PAX2: variants seen among roughly 807,000 people sequenced by gnomAD.
PAX2 encodes paired box 2.
PAX2 carries 9 observed loss-of-function variants against 41.7 expected under a neutral mutation model. That is an observed-to-expected ratio of 0.22 (90% CI 0.13 to 0.38). The LOEUF is 0.38. Ranked by LOEUF, PAX2 falls within the 10% of genes least tolerant of loss-of-function variation. The probability of loss-of-function intolerance (pLI) is 1.00; values close to 1 mark genes in which losing one functional copy is unlikely to be tolerated. For synonymous variants in PAX2, 221 were observed against 212.7 expected, an observed-to-expected ratio of 1.04 and a Z score of -0.34; for missense variants, 418 against 531.6, an observed-to-expected ratio of 0.79 and a Z score of 2.10.
chr10:100,773,666 A>G (rs117548648), intron 3 of PAX2, among the ~76,000 whole-genome samples: 1,751 of 152,234 alleles, frequency 0.012, 15 homozygotes, highest in Non-Finnish European at 0.02. Context: ...TTGCGTGGCG[A>G]TCAATGAGAG....
At chr10:100,816,165 A>G (rs1848179161) in intron 7 of PAX2, among the ~76,000 whole-genome samples, 1 of 152,354 alleles carries the variant, frequency 6.6e-6, no homozygotes, top group Non-Finnish European at 1.5e-5. Flanking sequence ...GAAAGGGGCC[A>G]GTCTGAATTT....
rs759953406 is a variant in PAX2 at position 100,750,844 on chromosome 10, G to C, written c.363G>C (p.Glu121Asp). Reference protein sequence around the residue: ...AWEIRDRLLAEGICDNDTVPS... With the variant: ...AWEIRDRLLADGICDNDTVPS... Reference sequence around the variant, plus strand: ...AGATTCGAGACCGGCTCCTGGCCGAGGGCATCTGTGACAATGACACAGTGC... The same window carrying C: ...AGATTCGAGACCGGCTCCTGGCCGACGGCATCTGTGACAATGACACAGTGC... The change falls in exon 3 of 10, where the codon GAG (glutamate) becomes GAC (aspartate). Residue 121 changes from glutamate (E) to aspartate (D), a missense_variant. Glu to Asp is a conservative substitution (Grantham distance 45). Around this residue, in one of 2 missense-constraint regions of PAX2, gnomAD observed 108 missense variants for 206.3 expected, o/e 0.52. Coordinates refer to ENST00000355243, the MANE Select transcript of PAX2 (RefSeq NM_000278.5). The surrounding 1 kb of genome is among the most constrained non-coding windows in gnomAD (Gnocchi z 4.1). 2.5e-6 allele frequency: 4 copies of C among 1,614,032 alleles called. No individual in the cohort carries two copies. In the East Asian group the frequency reaches 8.9e-5, roughly 36 times the overall value.
At chr10:100,754,029 C>T (rs1048911858) in intron 3 of PAX2, among the ~76,000 whole-genome samples, 13 of 152,240 alleles carry the variant, frequency 8.5e-5, no homozygotes, top group African/African-American at 3.1e-4. Flanking sequence ...GAGTTGCCAG[C>T]TTTTTGGTTT....
At chr10:100,754,046 CGCT>C (rs1162990713) in intron 3 of PAX2, among the ~76,000 whole-genome samples, 1 of 152,104 alleles carries the variant, frequency 6.6e-6, no homozygotes, top group African/African-American at 2.4e-5. Flanking sequence ...GTTTGTACAC[CGCT>C]GCTGTAAAGG....
rs567871562 is a variant in PAX2, at chr10:100,807,023, G to A, written c.792+418G>A. The stretch of plus-strand genomic sequence containing the variant: ...CCTCAGGGTCCTACAGAAAGTCTAC[G>A]CTAGACTGGGGAGCTCTCCTTGCCC... On this transcript the variant is annotated intron_variant, in intron 6 of 9. Coordinates refer to ENST00000355243, the MANE Select transcript of PAX2 (RefSeq NM_000278.5). Among the ~76,000 whole-genome samples the A allele has an allele frequency of 1.3e-3, 197 of 152,090 alleles. 1 individual carries two copies. Among genetic ancestry groups the A allele is most frequent in the African/African-American group, 4.6e-3 (191 of 41,458 alleles).
Position 100,745,744 on chromosome 10 carries a change from G to A in PAX2, c.-517G>A, listed in dbSNP as rs910614468. Reference sequence around the variant, plus strand: ...TGGCCCGCGCGCTCCCCTCCCGCAGGCGCCACCTCGGACATCCCCGGGATT... The same window carrying A: ...TGGCCCGCGCGCTCCCCTCCCGCAGACGCCACCTCGGACATCCCCGGGATT... On this transcript the variant is annotated 5_prime_UTR_variant, in exon 1 of 10. Coordinates refer to ENST00000355243, the MANE Select transcript of PAX2 (RefSeq NM_000278.5). The A allele has an allele frequency of 1.9e-6, 2 of 1,036,742 alleles. No individual in the cohort carries two copies. The highest frequency in any genetic ancestry group is 1.7e-5 in the African/African-American group (1 of 59,062). 64.2% of individuals were successfully genotyped at this position (1,036,742 alleles called of 1,614,324 possible). A position where few individuals can be genotyped will look rare whatever the true frequency, so the allele number is the denominator to read the frequency against.
chr10:100,822,198 A>G (rs180854469), intron 7 of PAX2, among the ~76,000 whole-genome samples: 1 of 152,304 alleles, frequency 6.6e-6, no homozygotes, highest in African/African-American at 2.4e-5. Context: ...AGGAAATGAA[A>G]GATATTGGCT....
intron 4 of PAX2, 59 bp from the exon 5 acceptor site, chr10:100,781,187 C>G: frequency 1.3e-6 from 2 of 1,597,438 alleles, no homozygotes; most frequent in South Asian, 2.2e-5. Context: ...GGGCTTTGGC[C>G]TACGATCACA....
chr10:100,758,769 T>G (rs1845731257), intron 3 of PAX2, among the ~76,000 whole-genome samples: 1 of 151,476 alleles, frequency 6.6e-6, no homozygotes, highest in Non-Finnish European at 1.5e-5. Context: ...TGGCCAGCAT[T>G]CAGCAGCCTT....
chr10:100,779,215 C>T (rs1846509262), intron 3 of PAX2, among the ~76,000 whole-genome samples: 2 of 152,212 alleles, frequency 1.3e-5, no homozygotes. Flanking sequence ...GGGTCTCTGC[C>T]CTGATCTTTG....
At chr10:100,818,530 AT>A (rs533261432) in intron 7 of PAX2, among the ~76,000 whole-genome samples, 1 of 152,204 alleles carries the variant, frequency 6.6e-6, no homozygotes, top group African/African-American at 2.4e-5. Context: ...TTTAAGCCAT[AT>A]TTTTTGAGAA....
chr10:100,777,030 A>G (rs1244457330), intron 3 of PAX2, among the ~76,000 whole-genome samples: 6 of 151,814 alleles, frequency 4.0e-5, no homozygotes, highest in African/African-American at 1.5e-4. Context: ...TGGGGGCAGG[A>G]TGACAAAGTA....
At chr10:100,798,933 A>G (rs1356420716) in intron 5 of PAX2, among the ~76,000 whole-genome samples, 1 of 152,178 alleles carries the variant, frequency 6.6e-6, no homozygotes, top group Non-Finnish European at 1.5e-5. Context: ...ACAAGCGGGG[A>G]TATTGATCGC....
At chr10:100,749,362 G>C (rs895818110) in intron 1 of PAX2, 39 of 1,029,600 alleles carry the variant, frequency 3.8e-5, no homozygotes, top group Non-Finnish European at 4.4e-5. Flanking sequence ...ATGCTGCTTC[G>C]CACTAGTCCA....
chr10:100,749,462 T>C lies in PAX2; in HGVS notation c.44-284T>C, dbSNP rs1845349721. 3 of 1,272,008 alleles carry C rather than the reference T, an allele frequency of 2.4e-6. No individual in the cohort carries two copies. In the Admixed American group the frequency reaches 1.2e-4, roughly 51 times the overall value. The allele number at this position is 1,272,008 out of a possible 1,614,324, so 78.8% of individuals were successfully genotyped here. On this transcript the variant is annotated intron_variant, in intron 1 of 9. Coordinates refer to ENST00000355243, the MANE Select transcript of PAX2 (RefSeq NM_000278.5). ...TTGGCATTTTCTCCCCTCTCCCCTC[T>C]TTTCTGTCATCTGGTTTCTCTCCAG...
chr10:100,769,159 C>T (rs1451333028), intron 3 of PAX2, among the ~76,000 whole-genome samples: 2 of 152,204 alleles, frequency 1.3e-5, no homozygotes, highest in African/African-American at 4.8e-5. Context: ...GCTGTGTGAC[C>T]TTCCGTAAGT....
intron 5 of PAX2, among the ~76,000 whole-genome samples, chr10:100,794,640 A>C (rs1847258959): frequency 6.6e-6 from 1 of 151,990 alleles, no homozygotes; most frequent in South Asian, 2.1e-4. Context: ...TGAACACTGA[A>C]CTCCAGAGAC....
chr10:100,827,154 G>A lies in PAX2; in HGVS notation c.1108+59G>A. ...CGCGGCCGCGCGGCTTCTGGGCACG[G>A]TCCCACTCCCGGCGACCCGACCTCT... On this transcript the variant is annotated intron_variant, in intron 9 of 9. Coordinates refer to ENST00000355243, the MANE Select transcript of PAX2 (RefSeq NM_000278.5). The surrounding 1 kb of genome is among the most constrained non-coding windows in gnomAD (Gnocchi z 8.5). 3 of 1,399,588 alleles carry A rather than the reference G, an allele frequency of 2.1e-6. No individual in the cohort carries two copies. Among genetic ancestry groups the A allele is most frequent in the South Asian group, 1.2e-5 (1 of 86,428 alleles). 86.7% of individuals were successfully genotyped at this position (1,399,588 alleles called of 1,614,324 possible). A position where few individuals can be genotyped will look rare whatever the true frequency, so the allele number is the denominator to read the frequency against.
intron 7 of PAX2, among the ~76,000 whole-genome samples, chr10:100,820,048 A>G (rs1430618204): frequency 6.6e-6 from 1 of 152,216 alleles, no homozygotes; most frequent in Non-Finnish European, 1.5e-5. Flanking sequence ...AAGATTCTCC[A>G]CTACCACTGT....
Sources: gnomAD v4.1 joint callset for allele counts (sites outside exome capture counted in the v4.1 genomes callset) on GRCh38, gnomAD v4.1.1 for gene constraint, gnomAD v4.1.1 regional missense constraint, Gnocchi (gnomAD v3.1) non-coding constraint, MANE v1.5 for transcripts, NCBI Gene and HGNC (gene_info 2026-07-23, HGNC 2026-07-21) for gene names.